DERA: variants seen among roughly 807,000 people sequenced by gnomAD.
The protein encoded by DERA is deoxyribose-phosphate aldolase.
Under a neutral mutation model 41.1 loss-of-function variants are expected in DERA, and 15 were observed. That is an observed-to-expected ratio of 0.37 (90% confidence interval 0.24 to 0.56). The LOEUF (loss-of-function observed/expected upper bound fraction) is 0.56. Among genes scored for constraint, DERA ranks in the 20% least tolerant of loss-of-function variants. The pLI is 0.81. For missense variants in DERA, 396 were observed against 403.4 expected (o/e 0.98, Z 0.16); for synonymous variants, 139 against 137.4 (o/e 1.01, Z -0.08).
rs369555223 is a variant in DERA at position 15,921,818 on chromosome 12, C to T, written c.31+10404C>T. The stretch of plus-strand genomic sequence containing the variant: ...GCGAGCGCCTGTAATCCCAGCTACT[C>T]GGGAGACTGAGGTAGGAGAATCGCT... On this transcript the variant is annotated intron_variant, in intron 1 of 8. Transcript: ENST00000428559. The surrounding 1 kb of genome is among the most constrained non-coding windows in gnomAD (Gnocchi z 5.3). Among the ~76,000 whole-genome samples, 6 of 151,846 alleles carry T rather than the reference C, an allele frequency of 4.0e-5. No individual in the cohort carries two copies. The South Asian group carries it at 8.3e-4, about 21-fold the overall frequency.
chr12:15,935,536 G>T lies in DERA; in HGVS notation c.32-21400G>T, dbSNP rs911594838. On this transcript the variant is annotated intron_variant, in intron 1 of 8. Transcript: ENST00000428559. This position sits in a 1 kb window ranked among gnomAD's most constrained non-coding sequence, Gnocchi z 4.8. ...ATTTTTAAAAAGAAATTTCATTGAG[G>T]TATAATATATGTTCAGTTTTCACAT... Among the ~76,000 whole-genome samples the T allele has an allele frequency of 6.6e-6, 1 of 152,080 alleles. No individual in the cohort carries two copies. The highest frequency in any genetic ancestry group is 1.5e-5 in the Non-Finnish European group (1 of 68,018).
At chr12:16,030,420 T>C (rs1411915901) in intron 6 of DERA, among the ~76,000 whole-genome samples, 3 of 152,194 alleles carry the variant, frequency 2.0e-5, no homozygotes, top group Non-Finnish European at 4.4e-5. Flanking sequence ...ATGTGGAGGC[T>C]TTAATCTCTT....
chr12:15,950,753 A>G (rs957357710), intron 1 of DERA, among the ~76,000 whole-genome samples: 1 of 152,166 alleles, frequency 6.6e-6, no homozygotes, highest in Admixed American at 6.5e-5. Context: ...TTCTTACCCT[A>G]TATAACTTTT....
At chr12:15,952,428 T>C (rs900526922) in intron 1 of DERA, among the ~76,000 whole-genome samples, 4 of 152,204 alleles carry the variant, frequency 2.6e-5, no homozygotes, top group African/African-American at 9.6e-5. Context: ...GGAGATCTTC[T>C]CTGACTTCTG....
At chr12:15,991,735 C>T (rs1332659109) in intron 6 of DERA, among the ~76,000 whole-genome samples, 1 of 152,102 alleles carries the variant, frequency 6.6e-6, no homozygotes. Flanking sequence ...ATTTAATCTT[C>T]ACAGCAACCC....
At chr12:15,997,141 T>C (rs1948843474) in intron 6 of DERA, among the ~76,000 whole-genome samples, 2 of 152,080 alleles carry the variant, frequency 1.3e-5, no homozygotes, top group Admixed American at 6.6e-5. Context: ...CAAGACAGAG[T>C]GAGTAATACT....
At chr12:16,022,256 G>C (rs1159271943) in intron 6 of DERA, among the ~76,000 whole-genome samples, 1 of 152,070 alleles carries the variant, frequency 6.6e-6, no homozygotes, top group Non-Finnish European at 1.5e-5. Context: ...TCTCTCTCTT[G>C]CTCCTGCTCT....
rs1028517078 is a variant in DERA at position 16,009,537 on chromosome 12, A to G, written c.638-23005A>G. 1.6e-4 allele frequency among the ~76,000 whole-genome samples: 24 copies of G among 152,216 alleles called. No individual in the cohort carries two copies. The highest frequency in any genetic ancestry group is 4.8e-4 in the African/African-American group (20 of 41,466). On this transcript the variant is annotated intron_variant, in intron 6 of 8. Coordinates refer to ENST00000428559, the MANE Select transcript of DERA (RefSeq NM_015954.4). This position sits in a 1 kb window ranked among gnomAD's most constrained non-coding sequence, Gnocchi z 5.3. ...ATAAACAGATCTCCAGCATATGTTG[A>G]CACTGTTCACTGTCTCTAACCCAGT...
At chr12:15,971,860 T>A in intron 5 of DERA, 1 of 302,784 alleles carries the variant, frequency 3.3e-6, no homozygotes, top group Non-Finnish European at 6.6e-6. Context: ...ATTGCTAAAG[T>A]GAACAAGGCC....
At chr12:15,945,806 T>G (rs1301876943) in intron 1 of DERA, among the ~76,000 whole-genome samples, 1 of 152,128 alleles carries the variant, frequency 6.6e-6, no homozygotes, top group African/African-American at 2.4e-5. Flanking sequence ...CCTGTCTTCT[T>G]TCAGTTTTCA....
At position 15,936,518 on chromosome 12, in the gene DERA, G is replaced by T. The variant is rs1374770133; in HGVS notation, c.32-20418G>T. On this transcript the variant is annotated intron_variant, in intron 1 of 8. Transcript: ENST00000428559. This position sits in a 1 kb window ranked among gnomAD's most constrained non-coding sequence, Gnocchi z 4.6. ...AGACATAAAAAGTTTGCACTTTAAAGAAATTAATATATTTTCTTACAGTAC... is the reference window on the plus strand; with the variant it reads ...AGACATAAAAAGTTTGCACTTTAAATAAATTAATATATTTTCTTACAGTAC... 6.6e-6 allele frequency among the ~76,000 whole-genome samples: 1 copy of T among 152,118 alleles called. No homozygotes were observed. Among genetic ancestry groups the T allele is most frequent in the East Asian group, 1.9e-4 (1 of 5,184 alleles).
intron 1 of DERA, among the ~76,000 whole-genome samples, chr12:15,950,577 C>A (rs1948490075): frequency 6.6e-6 from 1 of 152,192 alleles, no homozygotes; most frequent in Admixed American, 6.5e-5. Context: ...TCATTTTACC[C>A]AGCCCCTGTG....
intron 6 of DERA, among the ~76,000 whole-genome samples, chr12:16,005,213 G>A (rs1205565999): frequency 6.6e-6 from 1 of 152,176 alleles, no homozygotes; most frequent in Non-Finnish European, 1.5e-5. Flanking sequence ...GGAGGCTGAG[G>A]TGGGAGGATC....
rs1948552984 is a variant in DERA at position 15,957,971 on chromosome 12, C to T, written c.130-217C>T. Among the ~76,000 whole-genome samples the T allele has an allele frequency of 1.3e-5, 2 of 152,092 alleles. No homozygotes were observed. The highest frequency in any genetic ancestry group is 2.9e-5 in the Non-Finnish European group (2 of 68,016). ...CTGTGGGAGAAAAAAAATGTTTAAG[C>T]CTACTCTTCCTCCCTTTTATTTTGG... On this transcript the variant is annotated intron_variant, in intron 2 of 8. Coordinates refer to ENST00000428559, the MANE Select transcript of DERA (RefSeq NM_015954.4). The surrounding 1 kb of genome is among the most constrained non-coding windows in gnomAD (Gnocchi z 4.8).
At position 15,982,386 on chromosome 12, in the gene DERA, T is replaced by A; in HGVS notation, c.587T>A (p.Leu196His). 6.2e-7 allele frequency: 1 copy of A among 1,613,880 alleles called. No homozygotes were observed. Among genetic ancestry groups the A allele is most frequent in the Non-Finnish European group, 8.5e-7 (1 of 1,179,834 alleles). Reference protein sequence around the residue: ...HLKTILATGELGTLTNVYKAS... With the variant: ...HLKTILATGEHGTLTNVYKAS... Reference sequence around the variant, plus strand: ...AAAACTATATTAGCGACAGGAGAACTTGGAACTCTTACTAATGTCTATAAA... The same window carrying A: ...AAAACTATATTAGCGACAGGAGAACATGGAACTCTTACTAATGTCTATAAA... Residue 196 changes from leucine (L) to histidine (H), a missense_variant, in exon 6 of 9, where the codon CTT becomes CAT. Physicochemically the swap from Leu to His is moderately conservative, Grantham distance 99. Transcript: ENST00000428559. The surrounding 1 kb of genome is among the most constrained non-coding windows in gnomAD (Gnocchi z 4.0).
In DERA at chr12:15,968,496, C is replaced by G. The variant is rs567318236; in HGVS notation, c.508+5549C>G. ...AGGCAGCCAGGCCACCCAGTCATTG[C>G]TGGTGTCACAGTCAGACCCAGAACA... On this transcript the variant is annotated intron_variant, in intron 5 of 8. Coordinates refer to ENST00000428559, the MANE Select transcript of DERA (RefSeq NM_015954.4). Among the ~76,000 whole-genome samples the G allele has an allele frequency of 5.3e-5, 8 of 152,308 alleles. No homozygotes were observed. In the East Asian group the frequency reaches 1.4e-3, roughly 26 times the overall value.
In DERA at chr12:16,010,242, A is replaced by T; in HGVS notation, c.638-22300A>T. On this transcript the variant is annotated intron_variant, in intron 6 of 8. Transcript: ENST00000428559. The surrounding 1 kb of genome is among the most constrained non-coding windows in gnomAD (Gnocchi z 5.5). ...GAGTTCTAGTTCATATGCAGAGTGG[A>T]TCCAGGTTGCGTGCATGCTTAGTAT... Among the ~76,000 whole-genome samples, 1 of 152,172 alleles carries T rather than the reference A, an allele frequency of 6.6e-6. No homozygotes were observed. Among genetic ancestry groups the T allele is most frequent in the East Asian group, 1.9e-4 (1 of 5,196 alleles).
At chr12:15,946,472 C>A (rs1031026221) in intron 1 of DERA, among the ~76,000 whole-genome samples, 5 of 152,042 alleles carry the variant, frequency 3.3e-5, no homozygotes, top group African/African-American at 4.8e-5. Flanking sequence ...TGTATGTGTC[C>A]AGGAATTTAT....
At chr12:15,962,733 T>C in intron 4 of DERA, 80 bp from the exon 5 acceptor site, 1 of 1,269,780 alleles carries the variant, frequency 7.9e-7, no homozygotes, top group South Asian at 1.5e-5. Flanking sequence ...CAATTGAAAT[T>C]TGTTTTCCCC....
Sources: allele counts gnomAD v4.1 joint callset (sites outside exome capture counted in the v4.1 genomes callset), GRCh38; gene constraint gnomAD v4.1.1; non-coding constraint Gnocchi (gnomAD v3.1); transcripts MANE v1.5; gene names NCBI Gene and HGNC (gene_info 2026-07-23, HGNC 2026-07-21).